Variants in UBE2D2 observed in about 807,000 individuals in gnomAD.
The protein encoded by UBE2D2 is ubiquitin conjugating enzyme E2 D2.
Under a neutral mutation model 24.2 loss-of-function variants are expected in UBE2D2, and 2 were observed. That is an observed-to-expected ratio of 0.08 (90% CI 0.03 to 0.26). The LOEUF is 0.26. Among genes scored for constraint, UBE2D2 ranks in the 10% least tolerant of loss-of-function variants. The probability of loss-of-function intolerance (pLI) is 1.00; values close to 1 mark genes in which losing one functional copy is unlikely to be tolerated. For synonymous variants in UBE2D2, 58 were observed against 56.5 expected (o/e 1.03, Z -0.12); for missense variants, 44 against 177.6 (o/e 0.25, Z 4.28).
chr5:139,621,635 CT>C (rs1754515671), intron 5 of UBE2D2, among the ~76,000 whole-genome samples: 4 of 135,502 alleles, frequency 3.0e-5, no homozygotes, highest in Non-Finnish European at 6.4e-5. Context: ...TTTTTTTTTT[CT>C]TTTTGAGGCA....
intron 1 of UBE2D2, among the ~76,000 whole-genome samples, chr5:139,586,898 G>A (rs928555652): frequency 1.3e-5 from 2 of 152,098 alleles, no homozygotes; most frequent in Admixed American, 6.6e-5. Flanking sequence ...ACAATATAGT[G>A]CCTTGTTTAG....
intron 1 of UBE2D2, among the ~76,000 whole-genome samples, chr5:139,535,785 G>C (rs898742690): frequency 1.5e-4 from 23 of 152,210 alleles, no homozygotes; most frequent in African/African-American, 5.3e-4. Context: ...CATATACAAA[G>C]GTAGAGGAAA....
intron 1 of UBE2D2, among the ~76,000 whole-genome samples, chr5:139,553,414 A>G (rs1194371775): frequency 2.6e-5 from 4 of 152,154 alleles, no homozygotes; most frequent in Non-Finnish European, 5.9e-5. Context: ...ATTTATATTA[A>G]TGAGACTGTT....
At chr5:139,601,589 G>A (rs537545071) in intron 2 of UBE2D2, among the ~76,000 whole-genome samples, 1 of 152,234 alleles carries the variant, frequency 6.6e-6, no homozygotes, top group Non-Finnish European at 1.5e-5. Context: ...ACTCCAGCTT[G>A]GGCGACAGAG....
intron 1 of UBE2D2, among the ~76,000 whole-genome samples, chr5:139,579,931 C>T (rs1029345458): frequency 6.6e-6 from 1 of 151,810 alleles, no homozygotes; most frequent in African/African-American, 2.4e-5. Context: ...CCTGTAATCC[C>T]AGCTACTCGG....
Position 139,561,640 on chromosome 5 carries a change from C to T in UBE2D2, c.-152C>T. ...CCCAGGAGCTGAGTGGGCCCCGGCC[C>T]TCAGCCCGTCCCGCCGGACCCGCTT... On this transcript the variant is annotated 5_prime_UTR_variant, in exon 1 of 7. Coordinates refer to ENST00000398733, the MANE Select transcript of UBE2D2 (RefSeq NM_003339.3). 1 of 551,876 alleles carries T rather than the reference C, an allele frequency of 1.8e-6. No homozygotes were observed. Among genetic ancestry groups the T allele is most frequent in the Non-Finnish European group, 3.0e-6 (1 of 333,108 alleles). The allele number at this position is 551,876 out of a possible 1,614,324, so 34.2% of individuals were successfully genotyped here.
At chr5:139,613,332 A>G (rs1754360431) in intron 2 of UBE2D2, among the ~76,000 whole-genome samples, 3 of 152,222 alleles carry the variant, frequency 2.0e-5, no homozygotes. Flanking sequence ...TTGTTCAAAT[A>G]TAACCCCAGT....
At chr5:139,570,250 A>C (rs1218376160) in intron 1 of UBE2D2, among the ~76,000 whole-genome samples, 1 of 152,178 alleles carries the variant, frequency 6.6e-6, no homozygotes, top group Non-Finnish European at 1.5e-5. Flanking sequence ...CAGCCTGGGC[A>C]GCAGAGCCAG....
intron 1 of UBE2D2, chr5:139,562,557 C>A: frequency 2.4e-6 from 2 of 844,524 alleles, no homozygotes; most frequent in Non-Finnish European, 3.2e-6. Flanking sequence ...GAAACCTGAA[C>A]ATTGAAAACC....
intron 1 of UBE2D2, among the ~76,000 whole-genome samples, chr5:139,580,305 T>TAA (rs1363239110): frequency 3.9e-5 from 6 of 152,164 alleles, no homozygotes; most frequent in African/African-American, 1.4e-4. Context: ...GCTCAAGTGT[T>TAA]ACGCCCACCT....
At chr5:139,568,491 C>T (rs1190939587) in intron 1 of UBE2D2, among the ~76,000 whole-genome samples, 1 of 151,424 alleles carries the variant, frequency 6.6e-6, no homozygotes, top group Admixed American at 6.6e-5. Context: ...AACCCCATCT[C>T]TACTAAAAAT....
Position 139,598,204 on chromosome 5 carries a change from A to G in UBE2D2, c.25-2168A>G, listed in dbSNP as rs1015542123. Among the ~76,000 whole-genome samples the G allele has an allele frequency of 4.6e-5, 7 of 152,066 alleles. No homozygotes were observed. The South Asian group carries it at 1.0e-3, about 23-fold the overall frequency. On this transcript the variant is annotated intron_variant, in intron 1 of 6. Coordinates refer to ENST00000398733, the MANE Select transcript of UBE2D2 (RefSeq NM_003339.3). ...AGTCACTGTGCCTGGCCCTTTTTCA[A>G]ACTTTATTTCTGTACTTTATGCTTT...
intron 2 of UBE2D2, among the ~76,000 whole-genome samples, chr5:139,601,853 T>C (rs1479045630): frequency 6.7e-6 from 1 of 149,148 alleles, no homozygotes; most frequent in East Asian, 2.0e-4. Context: ...GAGGTTGCAG[T>C]GAGCTGAGAT....
chr5:139,528,601 CTAAACA>C (rs1386996948), intron 1 of UBE2D2, among the ~76,000 whole-genome samples: 1 of 152,154 alleles, frequency 6.6e-6, no homozygotes, highest in Non-Finnish European at 1.5e-5. Flanking sequence ...TAGACAAAAC[CTAAACA>C]TAAAGTCCCC....
At chr5:139,534,173 C>G (rs1246423366) in intron 1 of UBE2D2, among the ~76,000 whole-genome samples, 1 of 152,062 alleles carries the variant, frequency 6.6e-6, no homozygotes, top group African/African-American at 2.4e-5. Context: ...TGTCTCACAC[C>G]TGTAATCCCA....
intron 1 of UBE2D2, among the ~76,000 whole-genome samples, chr5:139,589,061 C>T (rs187614788): frequency 1.7e-3 from 254 of 152,214 alleles, no homozygotes; most frequent in Admixed American, 5.3e-3. Context: ...AAAGTGCTGA[C>T]ATTACAGGCA....
chr5:139,564,488 C>T (rs1753176583), intron 1 of UBE2D2, among the ~76,000 whole-genome samples: 1 of 147,314 alleles, frequency 6.8e-6, no homozygotes, highest in African/African-American at 2.5e-5. Context: ...GAGTCTCCCT[C>T]TGTCGCCCAG....
upstream of UBE2D2, among the ~76,000 whole-genome samples, chr5:139,559,244 G>T (rs1333994767): frequency 6.6e-6 from 1 of 152,014 alleles, no homozygotes; most frequent in African/African-American, 2.4e-5. Flanking sequence ...GGATAACAAG[G>T]TGAAATCCCG....
In UBE2D2 at chr5:139,614,478, CAT is replaced by C. The variant is rs201280411; in HGVS notation, c.89-105_89-104del. On this transcript the variant is annotated intron_variant, in intron 2 of 6. Coordinates refer to ENST00000398733, the MANE Select transcript of UBE2D2 (RefSeq NM_003339.3). ...TCCTCATCTTGCTCATACTCATTAT[CAT>C]ATTATTTATAAATGAATTTGGATTA... 1,912 of 1,282,768 alleles carry C rather than the reference CAT, an allele frequency of 1.5e-3. 16 individuals carry two copies. In the African/African-American group the frequency reaches 0.025, roughly 17 times the overall value. The allele number at this position is 1,282,768 out of a possible 1,614,324, so 79.5% of individuals were successfully genotyped here.
Sources: gnomAD v4.1 joint callset for allele counts (sites outside exome capture counted in the v4.1 genomes callset) on GRCh38, gnomAD v4.1.1 for gene constraint, MANE v1.5 for transcripts, NCBI Gene and HGNC (gene_info 2026-07-23, HGNC 2026-07-21) for gene names.